The following ADAMTSL1 variants were observed in gnomAD, a reference collection of about 807,000 sequenced individuals.
ADAMTSL1 encodes the protein ADAMTS-like protein 1.
In ADAMTSL1, 126 loss-of-function variants were observed where a neutral mutation model predicts 201.8. The ratio of observed to expected loss-of-function variants is 0.62; its 90% CI spans 0.54 to 0.72. The LOEUF (loss-of-function observed/expected upper bound fraction) is 0.72, where lower values mean the gene tolerates loss of function less well. Among genes scored for constraint, ADAMTSL1 ranks in the 30% least tolerant of loss-of-function variants. ADAMTSL1 has a pLI of 0.00. For missense variants in ADAMTSL1, 2,679 were observed against 2,277.8 expected (o/e 1.18, Z -3.59); for synonymous variants, 1,121 against 903.4 (o/e 1.24, Z -4.32).
chr9:18,120,280 G>A (rs1283656797), intron 1 of ADAMTSL1, among the ~76,000 whole-genome samples: 1 of 152,216 alleles, frequency 6.6e-6, no homozygotes, highest in African/African-American at 2.4e-5. Flanking sequence ...CCCAGAGTGA[G>A]TGATTCCAGA....
chr9:18,209,601 A>T (rs927069284), intron 2 of ADAMTSL1, among the ~76,000 whole-genome samples: 18 of 152,206 alleles, frequency 1.2e-4, no homozygotes, highest in Admixed American at 1.3e-4. Flanking sequence ...CAGTTTAATT[A>T]TCATAGCTTT....
chr9:18,261,453 C>T (rs747740479), intron 2 of ADAMTSL1, among the ~76,000 whole-genome samples: 21 of 152,240 alleles, frequency 1.4e-4, no homozygotes, highest in African/African-American at 3.6e-4. Flanking sequence ...TCAGGAAGCT[C>T]GAGATACATC....
At chr9:18,343,210 T>G (rs534550728) in intron 2 of ADAMTSL1, among the ~76,000 whole-genome samples, 1 of 152,098 alleles carries the variant, frequency 6.6e-6, no homozygotes, top group African/African-American at 2.4e-5. Flanking sequence ...GAGTGGTTAG[T>G]TTTGTAGGTC....
chr9:18,392,184 A>G (rs1019230369), intron 2 of ADAMTSL1, among the ~76,000 whole-genome samples: 7 of 152,140 alleles, frequency 4.6e-5, no homozygotes, highest in African/African-American at 1.7e-4. Context: ...ATCTCAGTTT[A>G]TTTGTTACAA....
intron 8 of ADAMTSL1, among the ~76,000 whole-genome samples, chr9:18,659,331 A>G (rs543617770): frequency 9.8e-4 from 150 of 152,366 alleles, no homozygotes; most frequent in South Asian, 2.7e-3. Context: ...CTATGGAGCA[A>G]TGTTGGATTT....
At position 18,480,689 on chromosome 9, in the gene ADAMTSL1, G is replaced by A. The variant is rs544128059; in HGVS notation, c.63+6394G>A. On this transcript the variant is annotated intron_variant, in intron 1 of 28. Transcript: ENST00000380548. ...TTACTCATAAGTAAGTACTAATACC[G>A]TTTTCCATTTATTATATGGGAAAAG... Among the ~76,000 whole-genome samples, 39 of 152,252 alleles carry A rather than the reference G, an allele frequency of 2.6e-4. 1 individual carries two copies. In the South Asian group the frequency reaches 6.7e-3, roughly 26 times the overall value.
chr9:18,569,089 T>C (rs1822127046), intron 3 of ADAMTSL1, among the ~76,000 whole-genome samples: 1 of 152,204 alleles, frequency 6.6e-6, no homozygotes, highest in African/African-American at 2.4e-5. Context: ...TCTTGTACAT[T>C]TCACCCGGTG....
chr9:18,606,923 C>A (rs892876783), intron 4 of ADAMTSL1, among the ~76,000 whole-genome samples: 14 of 152,144 alleles, frequency 9.2e-5, no homozygotes, highest in African/African-American at 3.1e-4. Context: ...AACTGAGATA[C>A]AACCTCCATT....
chr9:18,824,896 C>G (rs1193102718), intron 21 of ADAMTSL1, among the ~76,000 whole-genome samples: 2 of 151,964 alleles, frequency 1.3e-5, no homozygotes, highest in Non-Finnish European at 2.9e-5. Flanking sequence ...CAGGGTTTCA[C>G]CATGTTGGTC....
chr9:18,061,595 G>A (rs949595883), intron 1 of ADAMTSL1, among the ~76,000 whole-genome samples: 1 of 152,136 alleles, frequency 6.6e-6, no homozygotes, highest in African/African-American at 2.4e-5. Context: ...ATGTGAAAAA[G>A]TCTTGTTTCC....
At chr9:18,172,503 G>T (rs1399441992) in intron 2 of ADAMTSL1, among the ~76,000 whole-genome samples, 1 of 152,068 alleles carries the variant, frequency 6.6e-6, no homozygotes, top group African/African-American at 2.4e-5. Context: ...AGAAAGTAAG[G>T]TTATGAGAAG....
chr9:18,625,609 G>A (rs189685769), intron 5 of ADAMTSL1, among the ~76,000 whole-genome samples: 1 of 152,094 alleles, frequency 6.6e-6, no homozygotes, highest in African/African-American at 2.4e-5. Flanking sequence ...GTCAAATATA[G>A]CTGACATTAC....
At chr9:18,797,938 G>A (rs141437845) in intron 20 of ADAMTSL1, among the ~76,000 whole-genome samples, 105 of 152,212 alleles carry the variant, frequency 6.9e-4, no homozygotes, top group Non-Finnish European at 1.1e-3. Flanking sequence ...GTATCTTTCA[G>A]TATGTGTCTT....
At chr9:17,995,516 C>T (rs1819337126) in intron 1 of ADAMTSL1, among the ~76,000 whole-genome samples, 2 of 151,928 alleles carry the variant, frequency 1.3e-5, no homozygotes, top group Non-Finnish European at 2.9e-5. Flanking sequence ...TAGGTGCTCC[C>T]TTTTATTTTG....
chr9:18,533,445 A>T (rs1427413153), intron 3 of ADAMTSL1, among the ~76,000 whole-genome samples, 153 bp downstream of exon 3: 1 of 152,158 alleles, frequency 6.6e-6, no homozygotes, highest in Non-Finnish European at 1.5e-5. Context: ...GACTAAAATG[A>T]TATTTTTAAG....
chr9:18,305,487 T>C (rs1427919802), intron 2 of ADAMTSL1, among the ~76,000 whole-genome samples: 1 of 152,188 alleles, frequency 6.6e-6, no homozygotes, highest in Non-Finnish European at 1.5e-5. Flanking sequence ...CACAGCAGTC[T>C]GAAGTCTATC....
At chr9:18,024,573 A>G (rs1820615662) in intron 1 of ADAMTSL1, among the ~76,000 whole-genome samples, 1 of 152,130 alleles carries the variant, frequency 6.6e-6, no homozygotes, top group Admixed American at 6.6e-5. Context: ...AGCACCATCC[A>G]TGTTGCTGCA....
chr9:18,044,318 A>G (rs530391226), intron 1 of ADAMTSL1, among the ~76,000 whole-genome samples: 1 of 152,162 alleles, frequency 6.6e-6, no homozygotes, highest in African/African-American at 2.4e-5. Context: ...TTCACCTGAT[A>G]GAAATAAAGA....
chr9:18,714,389 T>C (rs1297151974), intron 14 of ADAMTSL1, among the ~76,000 whole-genome samples: 1 of 151,674 alleles, frequency 6.6e-6, no homozygotes, highest in Non-Finnish European at 1.5e-5. Flanking sequence ...ATCAAATAGA[T>C]GCAATAAAAA....
Sources: allele counts gnomAD v4.1 joint callset (sites outside exome capture counted in the v4.1 genomes callset), GRCh38; gene constraint gnomAD v4.1.1; transcripts MANE v1.5; gene names NCBI Gene and HGNC (gene_info 2026-07-23, HGNC 2026-07-21).